Variants in ADAM2 observed in about 807,000 individuals in gnomAD.
The protein encoded by ADAM2 is ADAM metallopeptidase domain 2.
ADAM2 carries 101 observed loss-of-function variants against 99.3 expected under a neutral mutation model. The observed-to-expected ratio is 1.02, with a 90% CI of 0.87 to 1.20. The LOEUF (loss-of-function observed/expected upper bound fraction) is 1.20. Among genes scored for constraint, ADAM2 ranks in the 50% most tolerant of loss-of-function variants. The pLI is 0.00. For synonymous variants in ADAM2, 323 were observed against 287.6 expected (o/e 1.12, Z -1.25); for missense variants, 948 against 878.7 (o/e 1.08, Z -1.00).
intron 16 of ADAM2, among the ~76,000 whole-genome samples, chr8:39,752,992 C>T (rs529552955): frequency 2.0e-5 from 3 of 152,168 alleles, no homozygotes; most frequent in South Asian, 2.1e-4. Context: ...ACAGTAAAAT[C>T]GGTACCAGGA....
At chr8:39,757,777 G>A (rs12548821) in intron 15 of ADAM2, among the ~76,000 whole-genome samples, 78,509 of 151,864 alleles carry the variant, frequency 0.52, 20,748 homozygotes, top group South Asian at 0.69. Context: ...TGCAATTTCC[G>A]TTATGTATTA....
At chr8:39,784,819 C>T (rs936478044) in intron 10 of ADAM2, among the ~76,000 whole-genome samples, 19 of 152,062 alleles carry the variant, frequency 1.2e-4, no homozygotes, top group African/African-American at 4.6e-4. Context: ...TGAGCATTTT[C>T]TTCATATGTT....
intron 11 of ADAM2, among the ~76,000 whole-genome samples, chr8:39,771,443 A>G (rs1172942993): frequency 6.6e-6 from 1 of 152,180 alleles, no homozygotes; most frequent in Non-Finnish European, 1.5e-5. Flanking sequence ...CACTTACTAT[A>G]AATAATAAAG....
At chr8:39,784,849 T>C (rs1586095370) in intron 10 of ADAM2, among the ~76,000 whole-genome samples, 1 of 152,358 alleles carries the variant, frequency 6.6e-6, no homozygotes, top group Non-Finnish European at 1.5e-5. Flanking sequence ...TTGTATGTCT[T>C]CTTTTGAGAA....
chr8:39,744,188 C>T (rs988000966), intron 20 of ADAM2, 124 bp from the exon 21 acceptor site: 1 of 151,958 alleles, frequency 6.6e-6, no homozygotes, highest in African/African-American at 2.4e-5. Context: ...TTTTAGCCAA[C>T]ATTTTAAATA....
chr8:39,756,001 A>G (rs1802138275), intron 15 of ADAM2, 90 bp from the exon 16 acceptor site: 7 of 746,270 alleles, frequency 9.4e-6, no homozygotes, highest in African/African-American at 7.4e-5. Context: ...TAAATAAAGT[A>G]TTCAAGGTTT....
At chr8:39,809,536 T>G (rs1210113944) in intron 6 of ADAM2, 70 bp from the exon 7 acceptor site, 1 of 708,590 alleles carries the variant, frequency 1.4e-6, no homozygotes, top group Non-Finnish European at 2.5e-6. Context: ...ATGTCACTAC[T>G]ATTAATGAAC....
chr8:39,828,519 T>G (rs117501315), intron 3 of ADAM2, among the ~76,000 whole-genome samples: 386 of 151,840 alleles, frequency 2.5e-3, no homozygotes, highest in Non-Finnish European at 4.4e-3. Flanking sequence ...AAAAGAGGAA[T>G]ATAAAACAAA....
intron 14 of ADAM2, among the ~76,000 whole-genome samples, chr8:39,761,803 C>T (rs1434461699): frequency 6.6e-6 from 1 of 152,088 alleles, no homozygotes; most frequent in Non-Finnish European, 1.5e-5. Flanking sequence ...CCTACATGGC[C>T]GGGCGCGGTG....
chr8:39,792,902 T>TA (rs1390635822), intron 7 of ADAM2, among the ~76,000 whole-genome samples: 2 of 152,046 alleles, frequency 1.3e-5, no homozygotes, highest in East Asian at 1.9e-4. Flanking sequence ...GTAATCTAGT[T>TA]AAAAAACACA....
intron 10 of ADAM2, among the ~76,000 whole-genome samples, chr8:39,783,016 A>G (rs1803297276): frequency 6.6e-6 from 1 of 151,920 alleles, no homozygotes; most frequent in South Asian, 2.1e-4. Flanking sequence ...TAAATGCACT[A>G]CCTCTCAGCT....
intron 19 of ADAM2, among the ~76,000 whole-genome samples, 179 bp downstream of exon 19, chr8:39,746,293 G>A (rs999812717): frequency 6.6e-6 from 1 of 152,034 alleles, no homozygotes; most frequent in East Asian, 1.9e-4. Context: ...TCAGAAAGTG[G>A]TGGGATGACA....
At position 39,749,736 on chromosome 8, in the gene ADAM2, C is replaced by G; in HGVS notation, c.1806G>C (p.Arg602Ser). 1 of 1,611,024 alleles carries G rather than the reference C, an allele frequency of 6.2e-7. No individual in the cohort carries two copies. The highest frequency in any genetic ancestry group is 8.5e-7 in the Non-Finnish European group (1 of 1,178,334). ...GTSCGSNKVC[R>S]NQRCVSSSYL... ...ATGAAGAACTCACACATCTTTGATTCCTGCAAACCTAAAAAGGATGAGCAA... is the reference window on the plus strand; with the variant it reads ...ATGAAGAACTCACACATCTTTGATTGCTGCAAACCTAAAAAGGATGAGCAA... The change falls in exon 17 of 21, where the codon AGG (arginine) becomes AGC (serine). Residue 602 changes from arginine to serine, a missense_variant. Transcript: ENST00000265708.
rs186230442 is a variant in ADAM2 at position 39,797,595 on chromosome 8, G to T, written c.571-8855C>A. On this transcript the variant is annotated intron_variant, in intron 7 of 20. Transcript: ENST00000265708. The stretch of plus-strand genomic sequence containing the variant: ...TCTAATTCTGTGAAGAATGTCAATG[G>T]TAGTTTTATGTGAATAGTATTGAAT... Among the ~76,000 whole-genome samples the T allele has an allele frequency of 1.2e-4, 19 of 152,282 alleles. No homozygotes were observed. The East Asian group carries it at 3.1e-3, about 25-fold the overall frequency.
intron 7 of ADAM2, among the ~76,000 whole-genome samples, chr8:39,797,646 C>A (rs988573307): frequency 2.0e-5 from 3 of 152,122 alleles, no homozygotes; most frequent in Admixed American, 6.5e-5. Context: ...GGCAGTATGG[C>A]CATTTTCATG....
intron 15 of ADAM2, among the ~76,000 whole-genome samples, chr8:39,759,381 A>C (rs1024293428): frequency 6.6e-6 from 1 of 152,154 alleles, no homozygotes; most frequent in Non-Finnish European, 1.5e-5. Flanking sequence ...ACAAATAAAA[A>C]CAAAAATGTT....
chr8:39,761,298 G>A lies in ADAM2; in HGVS notation c.1508-17C>T. The A allele has an allele frequency of 2.0e-6, 3 of 1,481,210 alleles. No individual in the cohort carries two copies. The highest frequency in any genetic ancestry group is 1.2e-5 in the South Asian group (1 of 80,766). The allele number at this position is 1,481,210 out of a possible 1,614,324, so 91.8% of individuals were successfully genotyped here. On this transcript the variant is annotated splice_polypyrimidine_tract_variant and intron_variant, in intron 14 of 20. Coordinates refer to ENST00000265708, the MANE Select transcript of ADAM2 (RefSeq NM_001464.5). ...ACTCTACTTCTGAAAATAAAAAGGT[G>A]AGGTTAGTCATATTAAACTTATATT...
chr8:39,827,310 T>C (rs1408976193), intron 3 of ADAM2, among the ~76,000 whole-genome samples: 1 of 152,176 alleles, frequency 6.6e-6, no homozygotes, highest in Non-Finnish European at 1.5e-5. Flanking sequence ...ACAACCATTA[T>C]GGAAAATAAT....
intron 10 of ADAM2, among the ~76,000 whole-genome samples, chr8:39,777,746 T>TCA (rs1424785536): frequency 6.6e-6 from 1 of 151,924 alleles, no homozygotes; most frequent in East Asian, 1.9e-4. Flanking sequence ...ATTATCCTAA[T>TCA]TTAATCATTA....
Sources: allele counts gnomAD v4.1 joint callset (sites outside exome capture counted in the v4.1 genomes callset), GRCh38; gene constraint gnomAD v4.1.1; transcripts MANE v1.5; gene names NCBI Gene and HGNC (gene_info 2026-07-23, HGNC 2026-07-21).